Variants in LRRTM4 observed in about 807,000 individuals in gnomAD.
LRRTM4 encodes the protein leucine-rich repeat transmembrane neuronal protein 4.
Under a neutral mutation model 47.6 loss-of-function variants are expected in LRRTM4, and 25 were observed. The ratio of observed to expected loss-of-function variants is 0.53; its 90% CI spans 0.38 to 0.73. The LOEUF is 0.73. Ranked by LOEUF, LRRTM4 falls within the 30% of genes least tolerant of loss-of-function variation. The probability of loss-of-function intolerance (pLI) is 0.00; values close to 1 mark genes in which losing one functional copy is unlikely to be tolerated. For missense variants in LRRTM4, 638 were observed against 713.4 expected (o/e 0.89, Z 1.20); for synonymous variants, 311 against 269.5 (o/e 1.15, Z -1.51).
At chr2:76,840,413 C>A (rs1479593201) in intron 3 of LRRTM4, among the ~76,000 whole-genome samples, 3 of 152,170 alleles carry the variant, frequency 2.0e-5, no homozygotes, top group African/African-American at 7.2e-5. Flanking sequence ...TGAGAACATG[C>A]CTCTTGGCAC....
intron 3 of LRRTM4, among the ~76,000 whole-genome samples, chr2:77,172,488 G>A (rs773057352): frequency 6.6e-6 from 1 of 152,116 alleles, no homozygotes; most frequent in Non-Finnish European, 1.5e-5. Context: ...CAGCTACTCC[G>A]GAGGCTGAGG....
chr2:76,928,247 T>G (rs750987991), intron 3 of LRRTM4, among the ~76,000 whole-genome samples: 3 of 152,154 alleles, frequency 2.0e-5, no homozygotes, highest in Non-Finnish European at 4.4e-5. Context: ...AAATAAAAAT[T>G]CAGTGTTAAT....
chr2:77,281,806 A>C (rs1263709822), intron 3 of LRRTM4, among the ~76,000 whole-genome samples: 1 of 151,910 alleles, frequency 6.6e-6, no homozygotes, highest in African/African-American at 2.4e-5. Flanking sequence ...AAAATAGTCA[A>C]GAAGAGAAAG....
intron 3 of LRRTM4, among the ~76,000 whole-genome samples, chr2:77,084,589 A>C (rs1680646146): frequency 6.6e-6 from 1 of 152,200 alleles, no homozygotes. Flanking sequence ...CCTGCTGTAC[A>C]TCTACATGTA....
chr2:76,849,733 T>A (rs1671937970), intron 3 of LRRTM4, among the ~76,000 whole-genome samples: 1 of 152,076 alleles, frequency 6.6e-6, no homozygotes, highest in South Asian at 2.1e-4. Flanking sequence ...GCGAAAAGAT[T>A]ATAGTCTTTT....
intron 3 of LRRTM4, among the ~76,000 whole-genome samples, chr2:77,153,101 A>G (rs1464775657): frequency 6.6e-6 from 1 of 152,178 alleles, no homozygotes; most frequent in East Asian, 1.9e-4. Flanking sequence ...TATTTATTGT[A>G]AGATTTCCTC....
intron 3 of LRRTM4, among the ~76,000 whole-genome samples, chr2:76,861,752 T>C (rs1302610621): frequency 6.6e-6 from 1 of 152,212 alleles, no homozygotes; most frequent in Non-Finnish European, 1.5e-5. Context: ...TTAGTGCTTA[T>C]AACTCCAAAT....
rs193128044 is a variant in LRRTM4, at chr2:77,074,676, G to A, written c.1552-325760C>T. On this transcript the variant is annotated intron_variant, in intron 3 of 3. Transcript: ENST00000409884. ...GAAAAAGAAGTACTGATTTTGGACA[G>A]AGAGAAGGAGAACTATTTAGAAATT... Among the ~76,000 whole-genome samples the A allele has an allele frequency of 4.7e-3, 709 of 151,608 alleles. 10 individuals are homozygous for A. Among genetic ancestry groups the A allele is most frequent in the African/African-American group, 0.016 (668 of 41,012 alleles).
intron 3 of LRRTM4, among the ~76,000 whole-genome samples, chr2:77,024,084 C>A (rs188046889): frequency 2.0e-5 from 3 of 152,224 alleles, no homozygotes; most frequent in Non-Finnish European, 2.9e-5. Flanking sequence ...AAAAGGGAGA[C>A]CCCTGATAAA....
intron 3 of LRRTM4, among the ~76,000 whole-genome samples, chr2:76,858,357 A>T (rs1476941996): frequency 6.6e-6 from 1 of 152,170 alleles, no homozygotes; most frequent in African/African-American, 2.4e-5. Context: ...ACTTTTTCCG[A>T]CCTGAAGTCA....
intron 3 of LRRTM4, among the ~76,000 whole-genome samples, chr2:77,291,174 A>G (rs1433650550): frequency 6.6e-6 from 1 of 152,070 alleles, no homozygotes; most frequent in Non-Finnish European, 1.5e-5. Context: ...GAAATAAACT[A>G]TAGCTGTGTT....
intron 3 of LRRTM4, among the ~76,000 whole-genome samples, chr2:76,844,563 C>G (rs1186475997): frequency 6.6e-6 from 1 of 152,020 alleles, no homozygotes; most frequent in African/African-American, 2.4e-5. Flanking sequence ...TATTTTTTTA[C>G]TACTCTATAA....
At position 77,483,118 on chromosome 2, in the gene LRRTM4, C is replaced by CAAAAAAAAAAAAAAAAAAA. The variant is rs776265725; in HGVS notation, c.1551+35181_1551+35199dup. On this transcript the variant is annotated intron_variant, in intron 3 of 3. Coordinates refer to ENST00000409884, the MANE Select transcript of LRRTM4 (RefSeq NM_001134745.3). The stretch of plus-strand genomic sequence containing the variant: ...CCTAGGAGGCAGAGCAAGACTGTCT[C>CAAAAAAAAAAAAAAAAAAA]AAAAAAAAAAAAAAAAAAAAAAAAA... 1.2e-4 allele frequency among the ~76,000 whole-genome samples: 7 copies of CAAAAAAAAAAAAAAAAAAA among 60,594 alleles called. 1 individual carries two copies. Among genetic ancestry groups the CAAAAAAAAAAAAAAAAAAA allele is most frequent in the Non-Finnish European group, 1.4e-4 (5 of 35,648 alleles). The allele number at this position is 60,594 out of a possible 152,430, so 39.8% of individuals were successfully genotyped here.
chr2:76,821,056 T>A (rs1234587814), intron 3 of LRRTM4, among the ~76,000 whole-genome samples: 1 of 151,688 alleles, frequency 6.6e-6, no homozygotes, highest in African/African-American at 2.4e-5. Flanking sequence ...CCACTGATCC[T>A]ATAAGTACAA....
intron 3 of LRRTM4, among the ~76,000 whole-genome samples, chr2:77,470,108 C>T (rs896210756): frequency 4.6e-5 from 7 of 151,984 alleles, no homozygotes; most frequent in East Asian, 1.9e-4. Context: ...GGACTGATAC[C>T]GACCAGCAGG....
rs146033684 is a variant in LRRTM4, at chr2:77,113,808, T to C, written c.1552-364892A>G. On this transcript the variant is annotated intron_variant, in intron 3 of 3. Coordinates refer to ENST00000409884, the MANE Select transcript of LRRTM4 (RefSeq NM_001134745.3). The stretch of plus-strand genomic sequence containing the variant: ...GGAGGGGGAAGGGCCTGCAGAATTA[T>C]AGGTGAATTGTAGTTTGGCCCCGGA... Among the ~76,000 whole-genome samples the C allele has an allele frequency of 4.8e-4, 73 of 152,122 alleles. 2 individuals are homozygous for C. The East Asian group carries it at 0.011, about 24-fold the overall frequency.
At chr2:76,751,667 C>T (rs766260884) in intron 3 of LRRTM4, among the ~76,000 whole-genome samples, 28 of 151,984 alleles carry the variant, frequency 1.8e-4, no homozygotes, top group Non-Finnish European at 4.0e-4. Context: ...CAGGTTCAGA[C>T]GTAAAATGTT....
At chr2:77,321,651 T>C (rs1463316777) in intron 3 of LRRTM4, among the ~76,000 whole-genome samples, 1 of 151,946 alleles carries the variant, frequency 6.6e-6, no homozygotes, top group Non-Finnish European at 1.5e-5. Flanking sequence ...GGGGGAAATA[T>C]CCTCATATTT....
intron 3 of LRRTM4, among the ~76,000 whole-genome samples, chr2:76,807,945 C>A (rs571485070): frequency 7.6e-6 from 1 of 131,686 alleles, no homozygotes; most frequent in Non-Finnish European, 1.6e-5. Context: ...TTCTTTCTTT[C>A]TTTCTTTCTT....
Sources: gnomAD v4.1 joint callset for allele counts (sites outside exome capture counted in the v4.1 genomes callset) on GRCh38, gnomAD v4.1.1 for gene constraint, MANE v1.5 for transcripts, NCBI Gene and HGNC (gene_info 2026-07-23, HGNC 2026-07-21) for gene names.